Variants in ACSBG2 observed in about 807,000 individuals in gnomAD.
ACSBG2 encodes long-chain-fatty-acid--CoA ligase ACSBG2.
In ACSBG2, 62 loss-of-function variants were observed where a neutral mutation model predicts 74.7. That is an observed-to-expected ratio of 0.83 (90% CI 0.68 to 1.03). The LOEUF (loss-of-function observed/expected upper bound fraction) is 1.03, where lower values mean the gene tolerates loss of function less well. ACSBG2 is among the 50% of genes least tolerant of loss of function. The pLI is 0.00. For missense variants in ACSBG2, 730 were observed against 817.6 expected, an observed-to-expected ratio of 0.89 and a Z score of 1.31; for synonymous variants, 309 against 294.1, an observed-to-expected ratio of 1.05 and a Z score of -0.52.
chr19:6,151,498 CAG>C (rs1446133046), intron 3 of ACSBG2, among the ~76,000 whole-genome samples: 17 of 152,152 alleles, frequency 1.1e-4, no homozygotes, highest in Admixed American at 1.0e-3. Context: ...TTTGTAAAGA[CAG>C]GGGTCTCACT....
intron 6 of ACSBG2, among the ~76,000 whole-genome samples, chr19:6,162,596 CT>C (rs2089664601): frequency 7.2e-6 from 1 of 139,074 alleles, no homozygotes; most frequent in African/African-American, 2.6e-5. Flanking sequence ...AAATTACAAA[CT>C]TTTTAGAGGT....
At chr19:6,163,783 CAAAAAAA>C (rs1278911071) in intron 6 of ACSBG2, among the ~76,000 whole-genome samples, 1 of 81,082 alleles carries the variant, frequency 1.2e-5, no homozygotes, top group Non-Finnish European at 2.5e-5. Context: ...AAATAAAATA[CAAAAAAA>C]AAAAAAAAAA....
chr19:6,153,954 AAG>A (rs1399233190), intron 4 of ACSBG2, among the ~76,000 whole-genome samples: 5 of 151,948 alleles, frequency 3.3e-5, no homozygotes, highest in South Asian at 4.1e-4. Context: ...GAAAAGAGAA[AAG>A]AGAGAGAAAA....
At chr19:6,140,469 T>C (rs2088780430) in intron 1 of ACSBG2, among the ~76,000 whole-genome samples, 1 of 152,288 alleles carries the variant, frequency 6.6e-6, no homozygotes, top group Admixed American at 6.5e-5. Context: ...CACTTGAGCT[T>C]GGGAGTTCGA....
At chr19:6,143,707 T>C (rs533177690) in intron 2 of ACSBG2, among the ~76,000 whole-genome samples, 35 of 152,220 alleles carry the variant, frequency 2.3e-4, no homozygotes, top group African/African-American at 7.9e-4. Context: ...GCTCTTTGAG[T>C]TCCTAGATGC....
rs2090046768 is a variant in ACSBG2 at position 6,174,654 on chromosome 19, G to A, written c.739-2575G>A. ...AGCAAGACCTCATCTCTACAAAAAT[G>A]TTTTAAAAATTAGCTGGGCATGGTG... On this transcript the variant is annotated intron_variant, in intron 7 of 14. Coordinates refer to ENST00000588485, the MANE Select transcript of ACSBG2 (RefSeq NM_030924.5). This position sits in a 1 kb window ranked among gnomAD's most constrained non-coding sequence, Gnocchi z 4.2. Among the ~76,000 whole-genome samples, 1 of 152,094 alleles carries A rather than the reference G, an allele frequency of 6.6e-6. No individual in the cohort carries two copies. The highest frequency in any genetic ancestry group is 2.1e-4 in the South Asian group (1 of 4,824).
At chr19:6,157,492 G>C (rs546347414) in intron 5 of ACSBG2, among the ~76,000 whole-genome samples, 1 of 152,190 alleles carries the variant, frequency 6.6e-6, no homozygotes, top group Non-Finnish European at 1.5e-5. Flanking sequence ...GAACCTGGGA[G>C]GTGGAGGTTG....
At chr19:6,136,781 G>A (rs903276248) in intron 1 of ACSBG2, among the ~76,000 whole-genome samples, 3 of 152,046 alleles carry the variant, frequency 2.0e-5, no homozygotes, top group Admixed American at 6.6e-5. Flanking sequence ...TCGTGAAATC[G>A]AATATTACTA....
At chr19:6,175,776 A>G (rs1441669184) in intron 7 of ACSBG2, 2 of 152,230 alleles carry the variant, frequency 1.3e-5, no homozygotes, top group Admixed American at 1.3e-4. Context: ...TATGCATTGG[A>G]GAAAGAAAAA....
At chr19:6,141,004 A>C (rs1215322447) in intron 1 of ACSBG2, among the ~76,000 whole-genome samples, 1 of 152,118 alleles carries the variant, frequency 6.6e-6, no homozygotes, top group Non-Finnish European at 1.5e-5. Flanking sequence ...ATATGAGGGA[A>C]ATCAAGCTTT....
At chr19:6,192,259 C>G (rs1045568307) in intron 14 of ACSBG2, among the ~76,000 whole-genome samples, 1 of 152,070 alleles carries the variant, frequency 6.6e-6, no homozygotes, top group Non-Finnish European at 1.5e-5. Flanking sequence ...GTTGCTCAGG[C>G]TAGAGTGCAG....
At chr19:6,144,249 C>T (rs773859917) in intron 2 of ACSBG2, among the ~76,000 whole-genome samples, 7 of 152,220 alleles carry the variant, frequency 4.6e-5, no homozygotes, top group Non-Finnish European at 8.8e-5. Flanking sequence ...CCACCTGCCT[C>T]GGCCTCCCAA....
rs1280730118 is a variant in ACSBG2, at chr19:6,152,338, C to T, written c.386+543C>T. Among the ~76,000 whole-genome samples the T allele has an allele frequency of 5.9e-4, 14 of 23,834 alleles. 6 individuals carry two copies. In the East Asian group the frequency reaches 0.011, roughly 19 times the overall value. 15.6% of individuals were successfully genotyped at this position (23,834 alleles called of 152,430 possible). A position where few individuals can be genotyped will look rare whatever the true frequency, so the allele number is the denominator to read the frequency against. On this transcript the variant is annotated intron_variant, in intron 4 of 14. Transcript: ENST00000588485. ...TCGCTCTGTCGCCCAGGCCGGACTG[C>T]GGACTGCAGTGGCGCAATCTCGGCT... is the stretch of plus-strand genomic sequence containing the variant.
chr19:6,166,611 C>A (rs1460617239), intron 7 of ACSBG2, among the ~76,000 whole-genome samples: 4 of 150,692 alleles, frequency 2.7e-5, no homozygotes, highest in African/African-American at 9.8e-5. Flanking sequence ...CCACGCCCAG[C>A]CTACTTTATT....
Position 6,182,928 on chromosome 19 carries a change from T to C in ACSBG2, c.1084T>C (p.Leu362=), listed in dbSNP as rs539844379. ...IGFKVNSKKM[L]GKYNTPVSYR... is the part of the protein sequence containing the mutation. ...CTTCAAGGTCAACTCAAAAAAGATGTTGGGGTAGGTGGAGCATCCAGAGGG... is the reference window on the plus strand; with the variant it reads ...CTTCAAGGTCAACTCAAAAAAGATGCTGGGGTAGGTGGAGCATCCAGAGGG... The change falls in exon 9 of 15, where the codon TTG becomes CTG. Residue 362 remains leucine (L), a synonymous_variant. Coordinates refer to ENST00000588485, the MANE Select transcript of ACSBG2 (RefSeq NM_030924.5). The C allele has an allele frequency of 8.2e-4, 1,322 of 1,613,970 alleles. 14 individuals carry two copies. In the South Asian group the frequency reaches 0.014, roughly 17 times the overall value.
intron 2 of ACSBG2, among the ~76,000 whole-genome samples, chr19:6,143,292 T>G (rs1256516607): frequency 1.3e-5 from 2 of 151,720 alleles, no homozygotes; most frequent in Middle Eastern, 3.2e-3. Context: ...GGAGGCCAGA[T>G]TACTGAGATG....
chr19:6,163,206 T>A (rs2089683455), intron 6 of ACSBG2, among the ~76,000 whole-genome samples: 1 of 97,894 alleles, frequency 1.0e-5, no homozygotes, highest in Non-Finnish European at 2.4e-5. Context: ...TCCCAGCACT[T>A]TGGGAGGCTG....
intron 3 of ACSBG2, among the ~76,000 whole-genome samples, chr19:6,149,646 A>G (rs1439345073): frequency 6.6e-6 from 1 of 152,056 alleles, no homozygotes; most frequent in Non-Finnish European, 1.5e-5. Flanking sequence ...AGCTGGGACT[A>G]CAGGCAGGTG....
At chr19:6,190,377 C>G (rs1199087170) in intron 13 of ACSBG2, 1 of 536,296 alleles carries the variant, frequency 1.9e-6, no homozygotes, top group African/African-American at 1.9e-5. Flanking sequence ...CACCTTCCAG[C>G]TCACAGAATC....
Sources: gnomAD v4.1 joint callset for allele counts (sites outside exome capture counted in the v4.1 genomes callset) on GRCh38, gnomAD v4.1.1 for gene constraint, Gnocchi (gnomAD v3.1) non-coding constraint, MANE v1.5 for transcripts, NCBI Gene and HGNC (gene_info 2026-07-23, HGNC 2026-07-21) for gene names.